PABPC4L: variants seen among roughly 807,000 people sequenced by gnomAD.
The protein encoded by PABPC4L is poly(A) binding protein cytoplasmic 4 like.
For synonymous variants in PABPC4L, 169 were observed against 164.1 expected (o/e 1.03, Z -0.23); for missense variants, 452 against 451.4 (o/e 1.00, Z -0.01).
the PABPC4L span, among the ~76,000 whole-genome samples, chr4:134,061,622 GA>G: frequency 9.0e-5 from 1 of 11,094 alleles, no homozygotes; most frequent in Non-Finnish European, 1.5e-4. Context: ...AACATACACA[GA>G]GAGAGAGAGA....
chr4:134,075,620 T>C, the PABPC4L span, among the ~76,000 whole-genome samples: 1 of 152,156 alleles, frequency 6.6e-6, no homozygotes, highest in Non-Finnish European at 1.5e-5. Context: ...TCTAATGTGA[T>C]TTAATATAAG....
At chr4:134,033,620 C>T in the PABPC4L span, among the ~76,000 whole-genome samples, 2 of 151,834 alleles carry the variant, frequency 1.3e-5, no homozygotes, top group African/African-American at 4.8e-5. Context: ...AGTTTTATTT[C>T]TAATATGAAG....
chr4:134,134,940 A>C, the PABPC4L span, among the ~76,000 whole-genome samples: 1 of 151,926 alleles, frequency 6.6e-6, no homozygotes, highest in African/African-American at 2.4e-5. Context: ...AAGTGTGGGA[A>C]CCAGAAATCA....
At chr4:134,038,958 T>A in the PABPC4L span, among the ~76,000 whole-genome samples, 1 of 152,178 alleles carries the variant, frequency 6.6e-6, no homozygotes, top group South Asian at 2.1e-4. Flanking sequence ...TTGTAGGCAT[T>A]TAGTGCTATA....
the PABPC4L span, among the ~76,000 whole-genome samples, chr4:134,078,742 C>G: frequency 6.6e-6 from 1 of 151,616 alleles, no homozygotes; most frequent in Non-Finnish European, 1.5e-5. Flanking sequence ...ACCTCCACCT[C>G]CCCGTGTTCA....
At chr4:134,124,558 A>G in the PABPC4L span, among the ~76,000 whole-genome samples, 4 of 152,098 alleles carry the variant, frequency 2.6e-5, no homozygotes, top group Non-Finnish European at 5.9e-5. Context: ...TTCAAATACA[A>G]TGTGTTAAAT....
the PABPC4L span, among the ~76,000 whole-genome samples, chr4:134,187,638 T>C: frequency 3.9e-5 from 6 of 152,036 alleles, no homozygotes; most frequent in South Asian, 8.3e-4. Flanking sequence ...AATCAATATG[T>C]ATTTTTGGAG....
chr4:134,029,679 T>C, the PABPC4L span, among the ~76,000 whole-genome samples: 20 of 151,976 alleles, frequency 1.3e-4, no homozygotes, highest in Admixed American at 4.6e-4. Flanking sequence ...TTTCTTTAGC[T>C]TAATTTAGAA....
chr4:134,070,813 G>A, the PABPC4L span, among the ~76,000 whole-genome samples: 12 of 152,152 alleles, frequency 7.9e-5, no homozygotes, highest in Admixed American at 3.9e-4. Flanking sequence ...ACTGCAACAA[G>A]GTGGCCAGAC....
the PABPC4L span, among the ~76,000 whole-genome samples, chr4:134,181,380 A>G: frequency 6.6e-6 from 1 of 152,150 alleles, no homozygotes; most frequent in South Asian, 2.1e-4. Context: ...TCAAAACAGT[A>G]AGAGCCATCT....
At chr4:134,189,367 GTATATATCTTTT>G in the PABPC4L span, among the ~76,000 whole-genome samples, 4 of 151,834 alleles carry the variant, frequency 2.6e-5, no homozygotes, top group Non-Finnish European at 4.4e-5. Context: ...TGACAAGCAG[GTATATATCTTTT>G]TTGTTGACAG....
the PABPC4L span, among the ~76,000 whole-genome samples, chr4:134,061,313 A>G: frequency 1.3e-5 from 2 of 152,166 alleles, no homozygotes; most frequent in Admixed American, 1.3e-4. Flanking sequence ...AAATAATTCA[A>G]AAAATTTCCC....
chr4:134,169,531 T>A, the PABPC4L span, among the ~76,000 whole-genome samples: 1 of 151,988 alleles, frequency 6.6e-6, no homozygotes, highest in Non-Finnish European at 1.5e-5. Context: ...TAATCTTATA[T>A]TTAGAGAAAC....
the PABPC4L span, among the ~76,000 whole-genome samples, chr4:134,181,755 C>T: frequency 1.3e-5 from 2 of 151,610 alleles, no homozygotes; most frequent in Admixed American, 6.6e-5. Flanking sequence ...AAATCAGGAA[C>T]AAAATTCCAT....
At chr4:134,163,879 CAAAATCATAGTTA>C in the PABPC4L span, among the ~76,000 whole-genome samples, 2 of 151,998 alleles carry the variant, frequency 1.3e-5, no homozygotes, top group Non-Finnish European at 2.9e-5. Context: ...CACCCACAGC[CAAAATCATAGTTA>C]ACATGGAAAA....
At chr4:134,186,823 A>G in the PABPC4L span, among the ~76,000 whole-genome samples, 1 of 152,176 alleles carries the variant, frequency 6.6e-6, no homozygotes, top group Non-Finnish European at 1.5e-5. Flanking sequence ...CAGAATCTAC[A>G]AAGAACTTAA....
Position 134,200,887 on chromosome 4 carries a change from G to A in PABPC4L, c.133C>T (p.Gln45Ter). Residue 45 changes from glutamine to a stop codon, truncating the protein, a stop_gained, in exon 2 of 2, where the codon CAG (glutamine) becomes TAG (stop). Transcript: ENST00000421491. LOFTEE classifies it low-confidence loss of function (END_TRUNC). ...TAGCCCAGAGAGCGGCGGGTGACCT[G>A]GTCCCTGCAAATGCGGATGGACAGC... ...PVLSIRICRD[Q>*]VTRRSLGYAY... The A allele has an allele frequency of 6.4e-7, 1 of 1,558,290 alleles. No homozygotes were observed. The highest frequency in any genetic ancestry group is 8.7e-7 in the Non-Finnish European group (1 of 1,150,796).
the PABPC4L span, among the ~76,000 whole-genome samples, chr4:133,996,702 T>C: frequency 6.6e-6 from 1 of 152,164 alleles, no homozygotes; most frequent in African/African-American, 2.4e-5. Context: ...GAAAGAAGTA[T>C]GCCGACACAG....
At chr4:134,092,634 C>T in the PABPC4L span, among the ~76,000 whole-genome samples, 76,664 of 151,778 alleles carry the variant, frequency 0.51, 20,540 homozygotes, top group East Asian at 0.94. Context: ...CTAGAGGTCA[C>T]GGTCAACCAC....
Sources: allele counts gnomAD v4.1 joint callset (sites outside exome capture counted in the v4.1 genomes callset), GRCh38; gene constraint gnomAD v4.1.1; transcripts MANE v1.5; gene names NCBI Gene and HGNC (gene_info 2026-07-23, HGNC 2026-07-21).